The following DPP6 variants were observed in gnomAD, a reference collection of about 807,000 sequenced individuals.
The protein encoded by DPP6 is dipeptidyl peptidase like 6.
In DPP6, 69 loss-of-function variants were observed where a neutral mutation model predicts 122.6. That is an observed-to-expected ratio of 0.56 (90% CI 0.46 to 0.69). DPP6 has a LOEUF of 0.69. Ranked by LOEUF, DPP6 falls within the 30% of genes least tolerant of loss-of-function variation. DPP6 has a pLI of 0.00. For synonymous variants in DPP6, 418 were observed against 433.1 expected (o/e 0.97, Z 0.43); for missense variants, 928 against 1,116.9 (o/e 0.83, Z 2.41).
intron 5 of DPP6, among the ~76,000 whole-genome samples, chr7:154,629,765 C>G (rs956921315): frequency 6.6e-6 from 1 of 152,172 alleles, no homozygotes; most frequent in African/African-American, 2.4e-5. Context: ...CTGGGGAGCT[C>G]ACCACCTCAG....
At chr7:154,616,045 C>T (rs73487681) in intron 5 of DPP6, among the ~76,000 whole-genome samples, 2,911 of 152,166 alleles carry the variant, frequency 0.019, 83 homozygotes, top group African/African-American at 0.066. Context: ...AAGCTTCTTC[C>T]CAAGGAGATT....
At chr7:153,926,198 C>T (rs73163459) in intron 1 of DPP6, among the ~76,000 whole-genome samples, 4,085 of 152,298 alleles carry the variant, frequency 0.027, 81 homozygotes, top group Non-Finnish European at 0.042. Context: ...TACCTGTCAC[C>T]GATCATGTAC....
intron 16 of DPP6, among the ~76,000 whole-genome samples, chr7:154,835,829 A>G (rs940671838): frequency 6.6e-6 from 1 of 152,222 alleles, no homozygotes; most frequent in Non-Finnish European, 1.5e-5. Context: ...GTAAAATCTT[A>G]TGATTAATAA....
intron 1 of DPP6, among the ~76,000 whole-genome samples, chr7:154,035,726 C>A (rs1799484291): frequency 6.6e-6 from 1 of 152,092 alleles, no homozygotes; most frequent in Admixed American, 6.6e-5. Context: ...AAGGCACAGA[C>A]TGAATGCTTT....
chr7:154,320,287 G>A (rs1010425814), intron 1 of DPP6, among the ~76,000 whole-genome samples: 1 of 152,092 alleles, frequency 6.6e-6, no homozygotes, highest in East Asian at 1.9e-4. Flanking sequence ...TGTCCAGTGC[G>A]GTCTCCATAA....
intron 15 of DPP6, 130 bp downstream of exon 15, chr7:154,805,094 G>T: frequency 1.6e-6 from 2 of 1,276,298 alleles, no homozygotes; most frequent in South Asian, 3.0e-5. Flanking sequence ...AGGAGTAGCT[G>T]TAGAGTCTGG....
At chr7:154,037,256 G>T (rs969955143) in intron 1 of DPP6, among the ~76,000 whole-genome samples, 2 of 152,198 alleles carry the variant, frequency 1.3e-5, no homozygotes, top group African/African-American at 2.4e-5. Context: ...AAAGAGTTCA[G>T]TTGGTTTATA....
At chr7:154,166,399 C>T (rs952839311) in intron 1 of DPP6, among the ~76,000 whole-genome samples, 16 of 152,126 alleles carry the variant, frequency 1.1e-4, no homozygotes, top group Non-Finnish European at 1.8e-4. Flanking sequence ...AGCTCAGGAG[C>T]TGCAAGGGAG....
At chr7:154,599,036 GGC>G (rs1209952020) in intron 5 of DPP6, among the ~76,000 whole-genome samples, 1 of 152,142 alleles carries the variant, frequency 6.6e-6, no homozygotes, top group Non-Finnish European at 1.5e-5. Context: ...CTCTCCCAGT[GGC>G]AGAGCTGGGT....
chr7:154,596,998 T>C (rs1833131719), intron 5 of DPP6, among the ~76,000 whole-genome samples: 1 of 152,194 alleles, frequency 6.6e-6, no homozygotes. Context: ...TGTCTCAGTA[T>C]CATTAAATTC....
rs879887915 is a variant in DPP6, at chr7:153,895,738, A to G, written c.51+8004A>G. Among the ~76,000 whole-genome samples the G allele has an allele frequency of 2.7e-3, 399 of 145,840 alleles. 4 individuals are homozygous for G. The highest frequency in any genetic ancestry group is 0.018 in the Middle Eastern group (5 of 282). On this transcript the variant is annotated intron_variant, in intron 1 of 25. Transcript: ENST00000404039. Reference sequence around the variant, plus strand: ...TGCATGTGCATGCGTGCACACACACACACACACACACACACACACACACAC... The same window carrying G: ...TGCATGTGCATGCGTGCACACACACGCACACACACACACACACACACACAC...
chr7:153,937,437 CTTTTTTTTTTTTTTTTTTTT>C (rs201001951), intron 1 of DPP6, among the ~76,000 whole-genome samples: 1 of 115,474 alleles, frequency 8.7e-6, no homozygotes, highest in African/African-American at 3.9e-5. Flanking sequence ...TCAGAGCTAA[CTTTTTTTTTTTTTTTTTTTT>C]TTTTTTTTTT....
intron 5 of DPP6, among the ~76,000 whole-genome samples, chr7:154,581,307 G>T (rs971043349): frequency 1.3e-5 from 2 of 152,150 alleles, no homozygotes; most frequent in Admixed American, 1.3e-4. Context: ...GAGATGGAAC[G>T]GACTGGCAGA....
intron 1 of DPP6, among the ~76,000 whole-genome samples, chr7:154,307,668 C>T (rs1253776194): frequency 6.6e-6 from 1 of 152,130 alleles, no homozygotes; most frequent in Non-Finnish European, 1.5e-5. Context: ...TCCCTAAAGA[C>T]AGTCTCTTAT....
At chr7:153,917,578 A>G (rs1025986048) in intron 1 of DPP6, among the ~76,000 whole-genome samples, 1 of 152,168 alleles carries the variant, frequency 6.6e-6, no homozygotes, top group Non-Finnish European at 1.5e-5. Flanking sequence ...TCTCTTACAG[A>G]CGCTAAGATT....
At chr7:153,958,083 G>C (rs1044704637) in intron 1 of DPP6, among the ~76,000 whole-genome samples, 13 of 152,122 alleles carry the variant, frequency 8.5e-5, no homozygotes, top group African/African-American at 3.1e-4. Context: ...AGAATCGCTT[G>C]AACCCGGGAG....
At chr7:154,555,454 C>T (rs531368318) in intron 4 of DPP6, among the ~76,000 whole-genome samples, 92 of 151,702 alleles carry the variant, frequency 6.1e-4, no homozygotes, top group Middle Eastern at 6.8e-3. Flanking sequence ...CATCACACAC[C>T]GGCGACTGTT....
chr7:154,189,562 G>A (rs1050731523), intron 1 of DPP6, among the ~76,000 whole-genome samples: 1 of 152,196 alleles, frequency 6.6e-6, no homozygotes, highest in African/African-American at 2.4e-5. Context: ...AGCTCTGTGT[G>A]ATGTGGGAGA....
At chr7:154,353,483 C>A (rs980652933) in intron 1 of DPP6, among the ~76,000 whole-genome samples, 1 of 152,134 alleles carries the variant, frequency 6.6e-6, no homozygotes, top group Non-Finnish European at 1.5e-5. Context: ...TTATTCTAAT[C>A]TGATGAGGGA....
Sources: gnomAD v4.1 joint callset for allele counts (sites outside exome capture counted in the v4.1 genomes callset) on GRCh38, gnomAD v4.1.1 for gene constraint, MANE v1.5 for transcripts, NCBI Gene and HGNC (gene_info 2026-07-23, HGNC 2026-07-21) for gene names.